Variants in PTER observed in about 807,000 individuals in gnomAD.
The protein encoded by PTER is N-acetyltaurine hydrolase.
In PTER, 38 loss-of-function variants were observed where a neutral mutation model predicts 29.6. The observed-to-expected ratio is 1.28, with a 90% CI of 0.99 to 1.68. PTER has a LOEUF of 1.68. Ranked by LOEUF, PTER falls within the 40% of genes most tolerant of loss-of-function variation. The pLI is 0.00. For synonymous variants in PTER, 172 were observed against 154.5 expected (o/e 1.11, Z -0.84); for missense variants, 482 against 427.8 (o/e 1.13, Z -1.12).
intron 4 of PTER, among the ~76,000 whole-genome samples, chr10:16,505,775 A>C (rs1282489264): frequency 6.6e-6 from 1 of 152,228 alleles, no homozygotes; most frequent in Non-Finnish European, 1.5e-5. Flanking sequence ...TGATAAGAAG[A>C]TTGAATGAAC....
chr10:16,489,323 T>A (rs558517764), intron 3 of PTER, among the ~76,000 whole-genome samples: 1 of 152,196 alleles, frequency 6.6e-6, no homozygotes, highest in African/African-American at 2.4e-5. Flanking sequence ...CCTTTCAACA[T>A]GGTTTCGATT....
chr10:16,514,070 C>T (rs77848682), downstream of PTER: 8 of 366,790 alleles, frequency 2.2e-5, no homozygotes, highest in East Asian at 2.7e-4. Flanking sequence ...TTCAATTAGA[C>T]CTTCTCCTGC....
chr10:16,473,548 CAGTT>C (rs1297185521), intron 1 of PTER, among the ~76,000 whole-genome samples: 4 of 60,694 alleles, frequency 6.6e-5, no homozygotes, highest in Non-Finnish European at 1.3e-4. Context: ...AAAAAAAAAA[CAGTT>C]AGTTCTCCTG....
intron 1 of PTER, among the ~76,000 whole-genome samples, chr10:16,465,285 C>T (rs1382183868): frequency 5.3e-5 from 8 of 152,210 alleles, no homozygotes; most frequent in Admixed American, 3.9e-4. Context: ...GGTGGCTCCT[C>T]TCCTAGGGCC....
At chr10:16,461,626 G>C (rs1256018149) in intron 1 of PTER, among the ~76,000 whole-genome samples, 1 of 152,004 alleles carries the variant, frequency 6.6e-6, no homozygotes, top group Non-Finnish European at 1.5e-5. Flanking sequence ...TCTCTGTCAG[G>C]TGCCACACTC....
At chr10:16,455,738 A>C (rs1175796815) in intron 1 of PTER, among the ~76,000 whole-genome samples, 2 of 152,182 alleles carry the variant, frequency 1.3e-5, no homozygotes, top group Non-Finnish European at 2.9e-5. Flanking sequence ...TTCATCTGAT[A>C]CCTAAACAAG....
intron 3 of PTER, among the ~76,000 whole-genome samples, chr10:16,498,397 A>G (rs1564407099): frequency 6.6e-6 from 1 of 152,210 alleles, no homozygotes; most frequent in Non-Finnish European, 1.5e-5. Flanking sequence ...CAGCCTGGCC[A>G]ACATGGCGAA....
intron 1 of PTER, among the ~76,000 whole-genome samples, chr10:16,477,941 T>A (rs1228197443): frequency 6.6e-6 from 1 of 152,174 alleles, no homozygotes; most frequent in Non-Finnish European, 1.5e-5. Context: ...ATGACTAGGG[T>A]TTCATGGGAC....
the PTER span, among the ~76,000 whole-genome samples, chr10:16,518,787 C>T: frequency 6.6e-6 from 1 of 152,078 alleles, no homozygotes; most frequent in African/African-American, 2.4e-5. Context: ...CAGACCTGAC[C>T]TTTGAGTCAG....
chr10:16,506,612 C>A (rs867438517), intron 4 of PTER, among the ~76,000 whole-genome samples: 2 of 152,026 alleles, frequency 1.3e-5, no homozygotes, highest in East Asian at 1.9e-4. Context: ...AATAGAAAGT[C>A]GGTTGAAAGG....
At chr10:16,483,721 G>A (rs555974008) in intron 1 of PTER, among the ~76,000 whole-genome samples, 2 of 152,136 alleles carry the variant, frequency 1.3e-5, no homozygotes, top group African/African-American at 2.4e-5. Flanking sequence ...TGACACATGC[G>A]TGTAGTCCCA....
At chr10:16,515,621 C>T (rs1836938441), downstream of PTER, among the ~76,000 whole-genome samples, 1 of 152,148 alleles carries the variant, frequency 6.6e-6, no homozygotes, top group Non-Finnish European at 1.5e-5. Context: ...AGTTGATAGA[C>T]ATTTACAAAC....
intron 3 of PTER, among the ~76,000 whole-genome samples, chr10:16,491,017 T>C (rs766260719): frequency 6.2e-4 from 95 of 152,206 alleles, no homozygotes; most frequent in Non-Finnish European, 1.2e-3. Flanking sequence ...GTATTTTTTT[T>C]CTGTTAAACA....
chr10:16,442,525 T>C (rs1833883579), intron 1 of PTER, among the ~76,000 whole-genome samples: 1 of 152,196 alleles, frequency 6.6e-6, no homozygotes, highest in South Asian at 2.1e-4. Context: ...ATCCCGGCAC[T>C]TTGGGAGGCC....
At chr10:16,439,150 A>G (rs1381483753) in intron 1 of PTER, among the ~76,000 whole-genome samples, 3 of 152,144 alleles carry the variant, frequency 2.0e-5, no homozygotes, top group Non-Finnish European at 4.4e-5. Context: ...TGTTTATTCA[A>G]TCAAAGATCA....
At chr10:16,465,189 G>A (rs536209562) in intron 1 of PTER, among the ~76,000 whole-genome samples, 11 of 152,202 alleles carry the variant, frequency 7.2e-5, no homozygotes, top group African/African-American at 2.6e-4. Flanking sequence ...ACTCTGCTTT[G>A]TATCGTAAGT....
At chr10:16,502,533 A>G (rs1029206909) in intron 3 of PTER, among the ~76,000 whole-genome samples, 1 of 152,094 alleles carries the variant, frequency 6.6e-6, no homozygotes, top group African/African-American at 2.4e-5. Flanking sequence ...AACATCGTGA[A>G]CTCTAAGTTA....
At chr10:16,496,806 TGATGGATA>T (rs1307708185) in intron 3 of PTER, among the ~76,000 whole-genome samples, 2 of 152,172 alleles carry the variant, frequency 1.3e-5, no homozygotes, top group Non-Finnish European at 2.9e-5. Context: ...TTAAATGGAA[TGATGGATA>T]GATGGATGGA....
intron 1 of PTER, among the ~76,000 whole-genome samples, chr10:16,455,074 C>G (rs1018857195): frequency 6.0e-5 from 9 of 150,898 alleles, no homozygotes; most frequent in Non-Finnish European, 1.2e-4. Flanking sequence ...ACAAAACATA[C>G]ACAAATTACC....
Sources: allele counts gnomAD v4.1 joint callset (sites outside exome capture counted in the v4.1 genomes callset), GRCh38; gene constraint gnomAD v4.1.1; transcripts MANE v1.5; gene names NCBI Gene and HGNC (gene_info 2026-07-23, HGNC 2026-07-21).